The following PCDHA8 variants were observed in gnomAD, a reference collection of about 807,000 sequenced individuals.
PCDHA8 encodes protocadherin alpha-8.
In PCDHA8, 53 loss-of-function variants were observed where a neutral mutation model predicts 61.8. The observed-to-expected ratio is 0.86, with a 90% CI of 0.69 to 1.08. The LOEUF (loss-of-function observed/expected upper bound fraction) is 1.08. Among genes scored for constraint, PCDHA8 ranks in the 50% least tolerant of loss-of-function variants. The pLI, the probability that PCDHA8 is intolerant of heterozygous loss-of-function variation, is 0.00. For synonymous variants in PCDHA8, 618 were observed against 556.6 expected (o/e 1.11, Z -1.55); for missense variants, 1,293 against 1,245.0 (o/e 1.04, Z -0.58).
At chr5:140,974,291 A>G (rs1417274006) in intron 1 of PCDHA8, among the ~76,000 whole-genome samples, 1 of 152,196 alleles carries the variant, frequency 6.6e-6, no homozygotes, top group Admixed American at 6.5e-5. Context: ...CTGGGCTCCA[A>G]GGAGGTACAA....
At chr5:140,975,045 A>G (rs1249490997) in intron 1 of PCDHA8, among the ~76,000 whole-genome samples, 1 of 152,112 alleles carries the variant, frequency 6.6e-6, no homozygotes, top group Non-Finnish European at 1.5e-5. Context: ...GGCTCTTAGG[A>G]AGAATCTACT....
chr5:140,854,252 TA>T, intron 1 of PCDHA8: 1 of 628,060 alleles, frequency 1.6e-6, no homozygotes, highest in Non-Finnish European at 2.0e-6. Flanking sequence ...TCACTTGGTA[TA>T]AAATGTACAT....
intron 3 of PCDHA8, among the ~76,000 whole-genome samples, chr5:141,006,484 A>T (rs1028996250): frequency 9.9e-5 from 15 of 152,130 alleles, no homozygotes; most frequent in Non-Finnish European, 7.4e-5. Flanking sequence ...AAGTGCTGGG[A>T]TTACATGTGT....
chr5:140,983,340 A>AG (rs2097043854), intron 3 of PCDHA8, among the ~76,000 whole-genome samples: 1 of 152,240 alleles, frequency 6.6e-6, no homozygotes, highest in African/African-American at 2.4e-5. Flanking sequence ...TCACTAAAGC[A>AG]GGGTCATGTA....
intron 1 of PCDHA8, chr5:140,867,487 T>C (rs1020782942): frequency 1.3e-5 from 2 of 152,026 alleles, no homozygotes; most frequent in African/African-American, 4.8e-5. Context: ...AGAGTAAATA[T>C]GAAAAAAGTA....
At chr5:140,974,652 C>T (rs1238427822) in intron 1 of PCDHA8, among the ~76,000 whole-genome samples, 2 of 152,078 alleles carry the variant, frequency 1.3e-5, no homozygotes, top group East Asian at 1.9e-4. Context: ...GCTGAGATTA[C>T]AGGCATGCGC....
At chr5:140,966,798 C>T in intron 1 of PCDHA8, 1 of 1,537,636 alleles carries the variant, frequency 6.5e-7, no homozygotes, top group Non-Finnish European at 8.7e-7. Context: ...CCTGCGGCGA[C>T]AGAGCATCCA....
At position 140,842,557 on chromosome 5, in the gene PCDHA8, C is replaced by T. The variant is rs200079412; in HGVS notation, c.1236C>T (p.Ala412=). ...ACTACTCGTTGGTGCTGGACAGCGCCCTGGACCGCGAGAGAGTGTCGGCCT... is the reference window on the plus strand; with the variant it reads ...ACTACTCGTTGGTGCTGGACAGCGCTCTGGACCGCGAGAGAGTGTCGGCCT... ...KNYYSLVLDS[A]LDRERVSAYE... is the part of the protein sequence containing the mutation. Residue 412 remains alanine (A), a synonymous_variant, in exon 1 of 4, where the codon GCC becomes GCT. Coordinates refer to ENST00000531613, the MANE Select transcript of PCDHA8 (RefSeq NM_018911.3). The T allele has an allele frequency of 2.5e-6, 4 of 1,596,448 alleles. No individual in the cohort carries two copies. Among genetic ancestry groups the T allele is most frequent in the Non-Finnish European group, 3.4e-6 (4 of 1,165,834 alleles).
chr5:140,858,157 C>T (rs782793736), intron 1 of PCDHA8: 2 of 1,597,628 alleles, frequency 1.3e-6, no homozygotes, highest in Admixed American at 1.7e-5. Flanking sequence ...TCGCCATCTG[C>T]GCGGTGTCCA....
rs2150490057 is a variant in PCDHA8, at chr5:140,850,579, A to G, written c.2394+6864A>G. On this transcript the variant is annotated intron_variant, in intron 1 of 3. Transcript: ENST00000531613. ...ACGGGCCCCGAGGTGACGCTGGTGG[A>G]TGTCAACGTGTACCTGATCATCGCC... 24 of 1,598,000 alleles carry G rather than the reference A, an allele frequency of 1.5e-5. 1 individual carries two copies. The East Asian group carries it at 3.6e-4, about 24-fold the overall frequency.
chr5:140,863,217 G>A (rs932359746), intron 1 of PCDHA8: 13 of 1,095,768 alleles, frequency 1.2e-5, no homozygotes, highest in Non-Finnish European at 1.6e-5. Flanking sequence ...GCAGCCAAGC[G>A]AGGAAGGTCC....
Position 140,843,119 on chromosome 5 carries a change from G to C in PCDHA8, c.1798G>C (p.Asp600His), listed in dbSNP as rs2150353177. The C allele has an allele frequency of 6.3e-7, 1 of 1,595,872 alleles. No individual in the cohort carries two copies. Among genetic ancestry groups the C allele is most frequent in the South Asian group, 1.1e-5 (1 of 90,510 alleles). The change falls in exon 1 of 4, where the codon GAC becomes CAC. Residue 600 changes from aspartate (D) to histidine (H), a missense_variant. By Grantham distance (81) the Asp-to-His change is moderately conservative (BLOSUM62 -1). Transcript: ENST00000531613. ...AGCGAAGGTGCGCGCAGTGGACGCC[G>C]ACTCGGGCTACAACGCGTGGCTTTC... ...VVAKVRAVDA[D>H]SGYNAWLSYE...
At chr5:140,887,984 A>G (rs2061657027) in intron 1 of PCDHA8, among the ~76,000 whole-genome samples, 1 of 152,178 alleles carries the variant, frequency 6.6e-6, no homozygotes, top group Admixed American at 6.5e-5. Context: ...TTTATTTTAC[A>G]TGTCTCCACC....
chr5:140,883,306 C>T (rs2059544095), intron 1 of PCDHA8: 2 of 1,614,050 alleles, frequency 1.2e-6, no homozygotes, highest in Non-Finnish European at 8.5e-7. Context: ...TAAATGATAA[C>T]GCCCCAGAGG....
At chr5:140,890,066 C>G (rs1217511895) in intron 1 of PCDHA8, among the ~76,000 whole-genome samples, 1 of 152,148 alleles carries the variant, frequency 6.6e-6, no homozygotes, top group Non-Finnish European at 1.5e-5. Context: ...CTTTTACTGG[C>G]TTATGAGAAC....
Position 140,841,216 on chromosome 5 carries a change from G to T in PCDHA8, c.-106G>T. 7.1e-7 allele frequency: 1 copy of T among 1,417,674 alleles called. No individual in the cohort carries two copies. Among genetic ancestry groups the T allele is most frequent in the South Asian group, 1.4e-5 (1 of 70,526 alleles). 87.8% of individuals were successfully genotyped at this position (1,417,674 alleles called of 1,614,324 possible). ...TCTCTGACAGCATCTGTCTCTAAAGGCCGAACAACGGGAGATGCAGCGGAA... is the reference window on the plus strand; with the variant it reads ...TCTCTGACAGCATCTGTCTCTAAAGTCCGAACAACGGGAGATGCAGCGGAA... On this transcript the variant is annotated 5_prime_UTR_variant, in exon 1 of 4. Transcript: ENST00000531613.
intron 1 of PCDHA8, chr5:140,862,267 A>G (rs968907254): frequency 8.7e-6 from 2 of 230,002 alleles, no homozygotes; most frequent in African/African-American, 4.5e-5. Flanking sequence ...GCAGTAAGTC[A>G]CTATCATTCC....
chr5:140,870,780 C>T (rs782242319), intron 1 of PCDHA8: 3 of 1,613,508 alleles, frequency 1.9e-6, no homozygotes, highest in Non-Finnish European at 2.5e-6. Context: ...ACGAGAACGA[C>T]AACGCGCCGG....
chr5:140,987,096 C>T (rs1266691790), intron 3 of PCDHA8, among the ~76,000 whole-genome samples: 3 of 151,912 alleles, frequency 2.0e-5, no homozygotes, highest in African/African-American at 7.3e-5. Context: ...TGCCTGTAAT[C>T]CCAGCTACTC....
Sources: allele counts gnomAD v4.1 joint callset (sites outside exome capture counted in the v4.1 genomes callset), GRCh38; gene constraint gnomAD v4.1.1; transcripts MANE v1.5; gene names NCBI Gene and HGNC (gene_info 2026-07-23, HGNC 2026-07-21).